Variants in PARD3B observed in about 807,000 individuals in gnomAD.
The protein encoded by PARD3B is par-3 family cell polarity regulator beta.
PARD3B carries 103 observed loss-of-function variants against 130.2 expected under a neutral mutation model. The ratio of observed to expected loss-of-function variants is 0.79; its 90% confidence interval spans 0.67 to 0.93. PARD3B has a LOEUF of 0.93. Ranked by LOEUF, PARD3B falls within the 40% of genes least tolerant of loss-of-function variation. The probability of loss-of-function intolerance (pLI) is 0.00; values close to 1 mark genes in which losing one functional copy is unlikely to be tolerated. For missense variants in PARD3B, 1,609 were observed against 1,499.2 expected (o/e 1.07, Z -1.21); for synonymous variants, 583 against 553.2 (o/e 1.05, Z -0.76).
rs1278697689 is a variant in PARD3B, at chr2:205,217,890, A to ATTTTTTTTT, written c.2140+24571_2140+24572insTTTTTTTTT. Among the ~76,000 whole-genome samples the ATTTTTTTTT allele has an allele frequency of 4.8e-5, 2 of 42,098 alleles. 1 individual carries two copies. The highest frequency in any genetic ancestry group is 5.3e-3 in the East Asian group (2 of 374). 27.6% of individuals were successfully genotyped at this position (42,098 alleles called of 152,430 possible). A position where few individuals can be genotyped will look rare whatever the true frequency, so the allele number is the denominator to read the frequency against. On this transcript the variant is annotated intron_variant, in intron 15 of 22. Coordinates refer to ENST00000406610, the MANE Select transcript of PARD3B (RefSeq NM_001302769.2). ...TGTGTATATATATATATATATATATATATATTTTTTTTTTTATTTTTTTGA... is the reference window on the plus strand; with the variant it reads ...TGTGTATATATATATATATATATATATTTTTTTTTTATATTTTTTTTTTTATTTTTTTGA...
intron 3 of PARD3B, among the ~76,000 whole-genome samples, chr2:205,043,912 C>T (rs1297311627): frequency 1.3e-5 from 2 of 151,030 alleles, no homozygotes; most frequent in East Asian, 2.0e-4. Flanking sequence ...CCCACCAACT[C>T]GTCATCTAGC....
At chr2:204,668,035 G>A (rs1430129629) in intron 1 of PARD3B, among the ~76,000 whole-genome samples, 1 of 152,196 alleles carries the variant, frequency 6.6e-6, no homozygotes, top group Non-Finnish European at 1.5e-5. Context: ...TTCTGTTGTG[G>A]AAGGAGGTGT....
intron 2 of PARD3B, among the ~76,000 whole-genome samples, chr2:204,702,089 G>A (rs902221711): frequency 3.3e-5 from 5 of 152,054 alleles, no homozygotes; most frequent in Non-Finnish European, 7.4e-5. Context: ...CTTTTTTATG[G>A]CTGCGTAGTA....
chr2:205,118,107 G>T (rs529287819), intron 6 of PARD3B, among the ~76,000 whole-genome samples: 1 of 152,140 alleles, frequency 6.6e-6, no homozygotes, highest in Non-Finnish European at 1.5e-5. Flanking sequence ...CCCAAAGCCT[G>T]CCTTCATCAT....
chr2:204,723,823 G>C (rs2039102848), intron 2 of PARD3B, among the ~76,000 whole-genome samples: 1 of 152,044 alleles, frequency 6.6e-6, no homozygotes, highest in Admixed American at 6.6e-5. Context: ...GATATTTGAG[G>C]AAAGCCAGCA....
intron 4 of PARD3B, among the ~76,000 whole-genome samples, chr2:205,063,946 C>G (rs1025224203): frequency 6.6e-6 from 1 of 151,888 alleles, no homozygotes; most frequent in Admixed American, 6.6e-5. Flanking sequence ...AAACGCATAT[C>G]CAAACTTTGA....
At chr2:204,718,846 A>T (rs1270228540) in intron 2 of PARD3B, among the ~76,000 whole-genome samples, 1 of 152,214 alleles carries the variant, frequency 6.6e-6, no homozygotes, top group South Asian at 2.1e-4. Context: ...GGCCAGTCAC[A>T]TGACATGTAA....
rs2043558983 is a variant in PARD3B, at chr2:205,341,992, A to G, written c.2630+40291A>G. Among the ~76,000 whole-genome samples the G allele has an allele frequency of 6.6e-6, 1 of 152,152 alleles. No homozygotes were observed. Among genetic ancestry groups the G allele is most frequent in the Non-Finnish European group, 1.5e-5 (1 of 68,000 alleles). ...CCCTAGTTAATCAAAACAGCATTGC[A>G]TATGACTGTATTTCTCCAGTTTTAA... On this transcript the variant is annotated intron_variant, in intron 18 of 22. Coordinates refer to ENST00000406610, the MANE Select transcript of PARD3B (RefSeq NM_001302769.2). This position sits in a 1 kb window ranked among gnomAD's most constrained non-coding sequence, Gnocchi z 4.3.
At chr2:204,883,899 A>G (rs146423630) in intron 2 of PARD3B, among the ~76,000 whole-genome samples, 12,123 of 151,556 alleles carry the variant, frequency 0.08, 607 homozygotes, top group African/African-American at 0.13. Context: ...CACCATGCCC[A>G]GCTAATTTTT....
At chr2:204,996,989 C>G (rs540223998) in intron 3 of PARD3B, among the ~76,000 whole-genome samples, 1 of 152,230 alleles carries the variant, frequency 6.6e-6, no homozygotes, top group South Asian at 2.1e-4. Flanking sequence ...CTGGCACTCC[C>G]TAGTGAGATG....
intron 19 of PARD3B, among the ~76,000 whole-genome samples, chr2:205,431,300 C>T: frequency 6.6e-6 from 1 of 152,150 alleles, no homozygotes; most frequent in East Asian, 1.9e-4. Context: ...TGGTCTTGAA[C>T]TCCTGACCTC....
intron 2 of PARD3B, among the ~76,000 whole-genome samples, chr2:204,759,143 C>T (rs2040797930): frequency 6.6e-6 from 1 of 152,124 alleles, no homozygotes. Context: ...TTCATGACTG[C>T]AGTTACTCAA....
chr2:204,985,492 A>G (rs1399637675), intron 3 of PARD3B, among the ~76,000 whole-genome samples: 2 of 152,222 alleles, frequency 1.3e-5, no homozygotes, highest in Non-Finnish European at 2.9e-5. Flanking sequence ...TTTTCTGGAA[A>G]AACAAAGAGG....
chr2:204,776,965 C>T (rs1182345449), intron 2 of PARD3B, among the ~76,000 whole-genome samples: 2 of 151,948 alleles, frequency 1.3e-5, no homozygotes, highest in Non-Finnish European at 2.9e-5. Context: ...AGCAATGCCT[C>T]TGTGAGAACA....
At chr2:204,559,913 T>TCATTCTGA (rs1327649676) in intron 1 of PARD3B, among the ~76,000 whole-genome samples, 1 of 152,070 alleles carries the variant, frequency 6.6e-6, no homozygotes, top group Non-Finnish European at 1.5e-5. Context: ...CTGGAAACCA[T>TCATTCTGA]CATTCTGAGC....
intron 2 of PARD3B, among the ~76,000 whole-genome samples, chr2:204,733,479 C>CT (rs34103852): frequency 0.028 from 3,499 of 127,166 alleles, 72 homozygotes; most frequent in Non-Finnish European, 0.039. Flanking sequence ...CCTTGACAGG[C>CT]TTTTTTTTTT....
intron 16 of PARD3B, among the ~76,000 whole-genome samples, chr2:205,284,573 C>G (rs2105849178): frequency 6.6e-6 from 1 of 152,270 alleles, no homozygotes; most frequent in Admixed American, 6.5e-5. Flanking sequence ...TTGGAAGGCT[C>G]TGACCCATTA....
Position 205,620,042 on chromosome 2 carries a change from T to C in PARD3B, c.*4229T>C, listed in dbSNP as rs1412154928. The C allele has an allele frequency of 1.3e-5, 2 of 152,208 alleles. No homozygotes were observed. The highest frequency in any genetic ancestry group is 2.4e-5 in the African/African-American group (1 of 41,462). 9.4% of individuals were successfully genotyped at this position (152,208 alleles called of 1,614,324 possible). On this transcript the variant is annotated 3_prime_UTR_variant, in exon 23 of 23. Coordinates refer to ENST00000406610, the MANE Select transcript of PARD3B (RefSeq NM_001302769.2). ...ATATGGGGGTGGAGGATGAATTCTTTACAGACTTTTTAAGATGATCCATTT... is the reference window on the plus strand; with the variant it reads ...ATATGGGGGTGGAGGATGAATTCTTCACAGACTTTTTAAGATGATCCATTT...
At chr2:205,037,215 A>G (rs1253081334) in intron 3 of PARD3B, among the ~76,000 whole-genome samples, 1 of 147,624 alleles carries the variant, frequency 6.8e-6, no homozygotes, top group Non-Finnish European at 1.5e-5. Flanking sequence ...GACTATATAT[A>G]AAAATATGTA....
Sources: gnomAD v4.1 joint callset for allele counts (sites outside exome capture counted in the v4.1 genomes callset) on GRCh38, gnomAD v4.1.1 for gene constraint, Gnocchi (gnomAD v3.1) non-coding constraint, MANE v1.5 for transcripts, NCBI Gene and HGNC (gene_info 2026-07-23, HGNC 2026-07-21) for gene names.